The following NAA15 variants were observed in gnomAD, a reference collection of about 807,000 sequenced individuals.
NAA15 encodes N-alpha-acetyltransferase 15, NatA auxiliary subunit.
Under a neutral mutation model 114.0 loss-of-function variants are expected in NAA15, and 34 were observed. The ratio of observed to expected loss-of-function variants is 0.30; its 90% CI spans 0.23 to 0.40. The LOEUF is 0.40. Among genes scored for constraint, NAA15 ranks in the 10% least tolerant of loss-of-function variants. NAA15 has a pLI of 1.00. For synonymous variants in NAA15, 340 were observed against 338.0 expected, an observed-to-expected ratio of 1.01 and a Z score of -0.06; for missense variants, 658 against 1,004.5, an observed-to-expected ratio of 0.66 and a Z score of 4.66.
chr4:139,386,481 C>A, intron 19 of NAA15: 1 of 276,712 alleles, frequency 3.6e-6, no homozygotes, highest in South Asian at 5.5e-5. Flanking sequence ...GATTTCATTT[C>A]ATATCTCTGC....
chr4:139,317,614 C>A (rs1053094754), intron 1 of NAA15, among the ~76,000 whole-genome samples: 1 of 152,156 alleles, frequency 6.6e-6, no homozygotes, highest in Non-Finnish European at 1.5e-5. Context: ...GAGCAAGACA[C>A]TGTCTTGAAA....
intron 1 of NAA15, among the ~76,000 whole-genome samples, chr4:139,322,689 A>G (rs929492510): frequency 6.6e-6 from 1 of 151,956 alleles, no homozygotes; most frequent in African/African-American, 2.4e-5. Context: ...GAGTGTGTAT[A>G]TGTGTGTATT....
At chr4:139,363,169 A>G (rs1748181664) in intron 14 of NAA15, among the ~76,000 whole-genome samples, 1 of 152,220 alleles carries the variant, frequency 6.6e-6, no homozygotes, top group Non-Finnish European at 1.5e-5. Flanking sequence ...GTTGAGAGCT[A>G]TGACCCTCTG....
At position 139,349,731 on chromosome 4, in the gene NAA15, T is replaced by A. The variant is rs530969450; in HGVS notation, c.811+150T>A. On this transcript the variant is annotated intron_variant, in intron 7 of 19. Coordinates refer to ENST00000296543, the MANE Select transcript of NAA15 (RefSeq NM_057175.5). The stretch of plus-strand genomic sequence containing the variant: ...CAAGCGCAGTGGCTCGTGCCTGTAA[T>A]CCCAGCACTTTGGGAGGCCGAGGTG... 6 of 733,228 alleles carry A rather than the reference T, an allele frequency of 8.2e-6. No individual in the cohort carries two copies. The East Asian group carries it at 2.1e-4, about 25-fold the overall frequency. The allele number at this position is 733,228 out of a possible 1,614,324, so 45.4% of individuals were successfully genotyped here. A position where few individuals can be genotyped will look rare whatever the true frequency, so the allele number is the denominator to read the frequency against.
chr4:139,390,584 G>C lies in NAA15; in HGVS notation c.*2500G>C, dbSNP rs1749034593. 6.6e-6 allele frequency: 1 copy of C among 152,636 alleles called. No homozygotes were observed. Among genetic ancestry groups the C allele is most frequent in the Non-Finnish European group, 1.5e-5 (1 of 68,040 alleles). The allele number at this position is 152,636 out of a possible 1,614,324, so 9.5% of individuals were successfully genotyped here. The stretch of plus-strand genomic sequence containing the variant: ...TTACCAACCCTTTTGAGAAGAAAGG[G>C]TCTCTTGACCTGTATTAACATAGGA... On this transcript the variant is annotated 3_prime_UTR_variant, in exon 20 of 20. Transcript: ENST00000296543.
At chr4:139,358,772 C>T (rs778172532) in intron 11 of NAA15, among the ~76,000 whole-genome samples, 6 of 152,094 alleles carry the variant, frequency 3.9e-5, no homozygotes, top group Admixed American at 6.5e-5. Flanking sequence ...GTTCCTTTAG[C>T]GTACAGATTT....
chr4:139,348,249 C>T (rs1309632239), intron 6 of NAA15, among the ~76,000 whole-genome samples: 2 of 151,832 alleles, frequency 1.3e-5, no homozygotes, highest in African/African-American at 4.8e-5. Context: ...AGTCTAGGAG[C>T]TCAAGACCAG....
chr4:139,353,896 A>G (rs1747859724), intron 9 of NAA15, 130 bp from the exon 10 acceptor site: 3 of 653,026 alleles, frequency 4.6e-6, no homozygotes, highest in Non-Finnish European at 7.9e-6. Flanking sequence ...AGGTTAAGAT[A>G]TTTTTAATAA....
At chr4:139,316,826 A>G (rs1455452036) in intron 1 of NAA15, among the ~76,000 whole-genome samples, 2 of 151,658 alleles carry the variant, frequency 1.3e-5, no homozygotes, top group African/African-American at 2.4e-5. Context: ...TAGTTTTAAA[A>G]ATAAATTAAC....
rs1040792365 is a variant in NAA15, at chr4:139,388,244, T to C, written c.*160T>C. On this transcript the variant is annotated 3_prime_UTR_variant, in exon 20 of 20. Transcript: ENST00000296543. Reference sequence around the variant, plus strand: ...CGTTTTTTATCCTGCTGAAAAAGTATATATAAAATATCTAACATTACAGGA... The same window carrying C: ...CGTTTTTTATCCTGCTGAAAAAGTACATATAAAATATCTAACATTACAGGA... 7.1e-6 allele frequency: 4 copies of C among 565,188 alleles called. No homozygotes were observed. The Admixed American group carries it at 1.0e-4, about 14-fold the overall frequency. The allele number at this position is 565,188 out of a possible 1,614,324, so 35.0% of individuals were successfully genotyped here. A position where few individuals can be genotyped will look rare whatever the true frequency, so the allele number is the denominator to read the frequency against.
intron 1 of NAA15, among the ~76,000 whole-genome samples, chr4:139,317,779 T>C (rs1271860287): frequency 6.6e-6 from 1 of 152,230 alleles, no homozygotes; most frequent in East Asian, 1.9e-4. Flanking sequence ...TATACTTCTG[T>C]TTTACCCCAT....
chr4:139,316,921 C>T (rs1746428416), intron 1 of NAA15, among the ~76,000 whole-genome samples: 4 of 148,970 alleles, frequency 2.7e-5, no homozygotes. Flanking sequence ...CCTTTATCAT[C>T]AACCCTCCAA....
chr4:139,367,865 C>T (rs763921287), intron 14 of NAA15, among the ~76,000 whole-genome samples: 1 of 152,188 alleles, frequency 6.6e-6, no homozygotes, highest in Non-Finnish European at 1.5e-5. Flanking sequence ...AGTTAGTTAG[C>T]TCACTGAGTC....
intron 6 of NAA15, among the ~76,000 whole-genome samples, chr4:139,348,878 C>T (rs995336760): frequency 1.3e-5 from 2 of 152,086 alleles, no homozygotes; most frequent in Non-Finnish European, 2.9e-5. Context: ...AACAGTGAGT[C>T]GACAAGTTGC....
At chr4:139,342,526 T>TGCAACCTC (rs1747443107) in intron 4 of NAA15, among the ~76,000 whole-genome samples, 1 of 146,634 alleles carries the variant, frequency 6.8e-6, no homozygotes, top group East Asian at 2.0e-4. Flanking sequence ...GTTGCCAGGC[T>TGCAACCTC]GCAACCTCTG....
chr4:139,351,360 A>G, intron 8 of NAA15, 74 bp downstream of exon 8: 1 of 1,132,554 alleles, frequency 8.8e-7, no homozygotes, highest in Non-Finnish European at 1.3e-6. Flanking sequence ...TTTAAGTATG[A>G]GTATGCATAT....
rs1748020293 is a variant in NAA15, at chr4:139,358,175, GTTTGTT to G, written c.1257+636_1257+641del. ...TAAGTAATATTTAAGAAGTTTTTTTGTTTGTTTTTGTTTTTGTTTTTTTTTTTTTGA... is the reference window on the plus strand; with the variant it reads ...TAAGTAATATTTAAGAAGTTTTTTTGTTTGTTTTTGTTTTTTTTTTTTTGA... On this transcript the variant is annotated intron_variant, in intron 11 of 19. Transcript: ENST00000296543. Among the ~76,000 whole-genome samples the G allele has an allele frequency of 3.4e-5, 5 of 145,920 alleles. No individual in the cohort carries two copies. The East Asian group carries it at 6.0e-4, about 17-fold the overall frequency.
In NAA15 at chr4:139,348,038, C is replaced by CAA. The variant is rs59533947; in HGVS notation, c.692-1407_692-1406dup. Among the ~76,000 whole-genome samples the CAA allele has an allele frequency of 1.7e-3, 108 of 62,706 alleles. 1 individual carries two copies. Among genetic ancestry groups the CAA allele is most frequent in the African/African-American group, 5.1e-3 (97 of 18,856 alleles). The allele number at this position is 62,706 out of a possible 152,430, so 41.1% of individuals were successfully genotyped here. On this transcript the variant is annotated intron_variant, in intron 6 of 19. Transcript: ENST00000296543. ...TGGGCGACAGAGCGAGACTCCGTCT[C>CAA]AAAAAAAAAAAAAAAAAAGAAAGTT...
intron 1 of NAA15, among the ~76,000 whole-genome samples, chr4:139,315,030 G>GTTTA (rs1560952935): frequency 1.6e-4 from 13 of 82,768 alleles, no homozygotes; most frequent in African/African-American, 7.7e-4. Context: ...GGTTAGGTTA[G>GTTTA]GTTAGGTTAG....
Sources: gnomAD v4.1 joint callset for allele counts (sites outside exome capture counted in the v4.1 genomes callset) on GRCh38, gnomAD v4.1.1 for gene constraint, MANE v1.5 for transcripts, NCBI Gene and HGNC (gene_info 2026-07-23, HGNC 2026-07-21) for gene names.